ROBO1: variants seen among roughly 807,000 people sequenced by gnomAD.
ROBO1 encodes roundabout homolog 1.
ROBO1 carries 149 observed loss-of-function variants against 195.9 expected under a neutral mutation model. The ratio of observed to expected loss-of-function variants is 0.76; its 90% CI spans 0.67 to 0.87. The LOEUF is 0.87. Ranked by LOEUF, ROBO1 falls within the 40% of genes least tolerant of loss-of-function variation. The pLI, the probability that ROBO1 is intolerant of heterozygous loss-of-function variation, is 0.00. For missense variants in ROBO1, 1,933 were observed against 2,068.3 expected (o/e 0.93, Z 1.27); for synonymous variants, 816 against 733.2 (o/e 1.11, Z -1.82).
chr3:78,790,798 C>G (rs1020906384), intron 4 of ROBO1, among the ~76,000 whole-genome samples: 46 of 152,184 alleles, frequency 3.0e-4, no homozygotes, highest in African/African-American at 1.1e-3. Flanking sequence ...CCAATATTCA[C>G]ATTTTGCATT....
intron 4 of ROBO1, among the ~76,000 whole-genome samples, chr3:78,931,017 T>C (rs1261624416): frequency 1.3e-5 from 2 of 152,014 alleles, no homozygotes; most frequent in African/African-American, 4.8e-5. Flanking sequence ...TTATTTTCTT[T>C]CCCCCCTGCT....
intron 2 of ROBO1, among the ~76,000 whole-genome samples, chr3:79,569,420 T>C (rs1288412767): frequency 2.6e-5 from 4 of 152,216 alleles, no homozygotes; most frequent in Non-Finnish European, 4.4e-5. Context: ...CTTCCATTTA[T>C]AAAGTATTGC....
intron 1 of ROBO1, among the ~76,000 whole-genome samples, chr3:79,716,538 T>G (rs1702493761): frequency 1.3e-5 from 2 of 151,968 alleles, no homozygotes; most frequent in African/African-American, 4.8e-5. Flanking sequence ...ACTATGATAA[T>G]TTTTCAAAGT....
chr3:79,670,474 C>A (rs376215447), intron 1 of ROBO1, among the ~76,000 whole-genome samples: 6 of 151,748 alleles, frequency 4.0e-5, no homozygotes, highest in Non-Finnish European at 8.8e-5. Context: ...TTGATGGCAA[C>A]GTTCAAAATG....
At chr3:78,724,736 A>G (rs2082124514) in intron 5 of ROBO1, among the ~76,000 whole-genome samples, 1 of 152,010 alleles carries the variant, frequency 6.6e-6, no homozygotes, top group African/African-American at 2.4e-5. Flanking sequence ...ATATAAAAAT[A>G]CTGATTGTAA....
intron 2 of ROBO1, among the ~76,000 whole-genome samples, chr3:79,479,419 C>G (rs182161014): frequency 6.6e-6 from 1 of 152,284 alleles, no homozygotes; most frequent in Non-Finnish European, 1.5e-5. Context: ...GGAGGCAGAG[C>G]TCAGGCGGTA....
intron 2 of ROBO1, among the ~76,000 whole-genome samples, chr3:79,347,856 A>G (rs1489084802): frequency 6.6e-6 from 1 of 152,218 alleles, no homozygotes; most frequent in African/African-American, 2.4e-5. Context: ...GCTCATTTTG[A>G]ACAAAGGCAC....
chr3:79,202,473 C>T (rs759647981), intron 2 of ROBO1, among the ~76,000 whole-genome samples: 3 of 151,916 alleles, frequency 2.0e-5, no homozygotes, highest in Non-Finnish European at 4.4e-5. Flanking sequence ...ATCACTTCCA[C>T]AATTCATCAG....
chr3:79,141,573 T>TC (rs1238049796), intron 2 of ROBO1, among the ~76,000 whole-genome samples: 8 of 151,190 alleles, frequency 5.3e-5, no homozygotes, highest in Admixed American at 3.3e-4. Context: ...TGTTGTTTTT[T>TC]TTTTTTTTCT....
At chr3:78,711,644 C>G (rs1158201747) in intron 8 of ROBO1, among the ~76,000 whole-genome samples, 1 of 137,678 alleles carries the variant, frequency 7.3e-6, no homozygotes, top group Non-Finnish European at 1.6e-5. Flanking sequence ...TGCCACCACG[C>G]CCAGCTAATT....
intron 2 of ROBO1, among the ~76,000 whole-genome samples, chr3:79,312,469 A>G (rs1228684602): frequency 6.6e-6 from 1 of 152,236 alleles, no homozygotes; most frequent in Non-Finnish European, 1.5e-5. Context: ...CTGAGAGATA[A>G]TAATTGCTTA....
chr3:78,690,624 A>T (rs2081151340), intron 8 of ROBO1, among the ~76,000 whole-genome samples: 1 of 152,086 alleles, frequency 6.6e-6, no homozygotes, highest in Non-Finnish European at 1.5e-5. Flanking sequence ...GGAATAATTG[A>T]TGTCAAAATC....
At chr3:78,729,025 G>A (rs1478212273) in intron 5 of ROBO1, among the ~76,000 whole-genome samples, 2 of 152,216 alleles carry the variant, frequency 1.3e-5, no homozygotes, top group Non-Finnish European at 2.9e-5. Context: ...GTGGGAACAC[G>A]TGGCTCTTTG....
At chr3:79,125,601 G>T in intron 2 of ROBO1, 62 bp from the exon 3 acceptor site, 1 of 1,229,270 alleles carries the variant, frequency 8.1e-7, no homozygotes, top group Non-Finnish European at 1.2e-6. Context: ...TTGCCATTTC[G>T]ATCACAGCAT....
Position 79,150,415 on chromosome 3 carries a change from A to G in ROBO1, c.89-24876T>C, listed in dbSNP as rs1226605583. 4.6e-5 allele frequency among the ~76,000 whole-genome samples: 7 copies of G among 151,714 alleles called. No individual in the cohort carries two copies. The South Asian group carries it at 8.3e-4, about 18-fold the overall frequency. On this transcript the variant is annotated intron_variant, in intron 2 of 30. Coordinates refer to ENST00000464233, the MANE Select transcript of ROBO1 (RefSeq NM_002941.4). ...AATGTGTGTTTTGAATTTTGCAGGC[A>G]AGCTTATTATGTTGGGTTGTGTTTC...
chr3:79,702,997 A>C (rs1947662208), intron 1 of ROBO1, among the ~76,000 whole-genome samples: 1 of 151,898 alleles, frequency 6.6e-6, no homozygotes, highest in East Asian at 1.9e-4. Context: ...GTGACCTACT[A>C]TTCCCTTGGA....
At chr3:79,555,275 G>A (rs1178349039) in intron 2 of ROBO1, among the ~76,000 whole-genome samples, 1 of 152,108 alleles carries the variant, frequency 6.6e-6, no homozygotes, top group African/African-American at 2.4e-5. Context: ...AATCTTAGTT[G>A]AGTGAAATGC....
chr3:79,330,337 C>T (rs2034389771), intron 2 of ROBO1, among the ~76,000 whole-genome samples: 2 of 146,720 alleles, frequency 1.4e-5, no homozygotes, highest in South Asian at 4.2e-4. Context: ...ATAAATAAAA[C>T]ATCCCAACAA....
intron 2 of ROBO1, among the ~76,000 whole-genome samples, chr3:79,337,295 A>C (rs116115371): frequency 6.3e-4 from 96 of 152,340 alleles, no homozygotes; most frequent in African/African-American, 2.2e-3. Flanking sequence ...TCCCACCCAC[A>C]ATCTCATTTT....
Sources: gnomAD v4.1 joint callset for allele counts (sites outside exome capture counted in the v4.1 genomes callset) on GRCh38, gnomAD v4.1.1 for gene constraint, MANE v1.5 for transcripts, NCBI Gene and HGNC (gene_info 2026-07-23, HGNC 2026-07-21) for gene names.